BEST1: variants seen among roughly 807,000 people sequenced by gnomAD.
BEST1 encodes the protein bestrophin 1.
BEST1 carries 58 observed loss-of-function variants against 63.3 expected under a neutral mutation model. That is an observed-to-expected ratio of 0.92 (90% CI 0.74 to 1.14). The LOEUF is 1.14. Among genes scored for constraint, BEST1 ranks in the 50% most tolerant of loss-of-function variants. The probability of loss-of-function intolerance (pLI) is 0.00; values close to 1 mark genes in which losing one functional copy is unlikely to be tolerated. For missense variants in BEST1, 671 were observed against 740.1 expected (o/e 0.91, Z 1.08); for synonymous variants, 283 against 291.6 (o/e 0.97, Z 0.30).
At chr11:61,954,704 C>A in intron 2 of BEST1, 1 of 724,348 alleles carries the variant, frequency 1.4e-6, no homozygotes, top group Non-Finnish European at 1.7e-6. Context: ...CCTGCCTTAG[C>A]CTCCCAGAGC....
chr11:61,964,042 T>TTTGGTATTTGAA (rs1942353041), intron 10 of BEST1, 62 bp from the exon 11 acceptor site: 1 of 1,611,498 alleles, frequency 6.2e-7, no homozygotes, highest in African/African-American at 1.3e-5. Flanking sequence ...ACTGCAACAT[T>TTTGGTATTTGAA]TTGGTATTTG....
In BEST1 at chr11:61,962,308, C is replaced by T. The variant is rs1426042227; in HGVS notation, c.1154C>T (p.Ala385Val). 1.9e-6 allele frequency: 3 copies of T among 1,614,184 alleles called. No homozygotes were observed. The highest frequency in any genetic ancestry group is 1.7e-5 in the Admixed American group (1 of 60,026). Residue 385 changes from alanine to valine, a missense_variant, in exon 10 of 11, where the codon GCT (alanine) becomes GTT (valine). Ala to Val is a moderately conservative substitution (Grantham distance 64). Coordinates refer to ENST00000378043, the MANE Select transcript of BEST1 (RefSeq NM_004183.4). ...CCCAATCAGGAGGACGAGGAGGATGCTCACGCTGGCATCATTGGCCGCTTC... is the reference window on the plus strand; with the variant it reads ...CCCAATCAGGAGGACGAGGAGGATGTTCACGCTGGCATCATTGGCCGCTTC... ...FQPNQEDEED[A>V]HAGIIGRFLG... is the part of the protein sequence containing the mutation.
rs767605874 is a variant in BEST1 at position 61,962,352 on chromosome 11, G to C, written c.1198G>C (p.Asp400His). Residue 400 changes from aspartate to histidine, a missense_variant, in exon 10 of 11, where the codon GAT becomes CAT. Asp to His is a moderately conservative substitution (Grantham distance 81). Coordinates refer to ENST00000378043, the MANE Select transcript of BEST1 (RefSeq NM_004183.4). The stretch of plus-strand genomic sequence containing the variant: ...CCGCTTCCTAGGCCTGCAGTCCCAT[G>C]ATCACCATCCTCCCAGGGCAAACTC... ...IGRFLGLQSH[D>H]HHPPRANSRT... 7 of 1,614,150 alleles carry C rather than the reference G, an allele frequency of 4.3e-6. No individual in the cohort carries two copies. The highest frequency in any genetic ancestry group is 5.9e-6 in the Non-Finnish European group (7 of 1,180,014).
chr11:61,949,929 TC>T (rs1940490789), upstream of BEST1: 1 of 152,294 alleles, frequency 6.6e-6, no homozygotes, highest in South Asian at 2.1e-4. Context: ...AGCCCGGTAT[TC>T]ATTCTTTCCA....
intron 1 of BEST1, 87 bp from the exon 2 acceptor site, chr11:61,951,684 G>A: frequency 7.3e-7 from 1 of 1,369,104 alleles, no homozygotes; most frequent in Non-Finnish European, 1.0e-6. Flanking sequence ...TGGGAGAGTT[G>A]AGGTCCAGAG....
intron 6 of BEST1, among the ~76,000 whole-genome samples, chr11:61,957,760 T>A (rs1048728081): frequency 2.6e-5 from 4 of 152,170 alleles, no homozygotes; most frequent in Admixed American, 1.3e-4. Context: ...GTGGATCACC[T>A]GAGGTCAGGA....
At chr11:61,957,889 G>A (rs1261705409) in intron 6 of BEST1, among the ~76,000 whole-genome samples, 4 of 152,008 alleles carry the variant, frequency 2.6e-5, no homozygotes, top group African/African-American at 4.8e-5. Flanking sequence ...CAGGAGAATC[G>A]CTTGAACCCG....
Position 61,964,376 on chromosome 11 carries a change from G to A in BEST1, c.*254G>A. The A allele has an allele frequency of 4.1e-6, 3 of 729,058 alleles. No individual in the cohort carries two copies. Among genetic ancestry groups the A allele is most frequent in the Non-Finnish European group, 6.6e-6 (3 of 455,912 alleles). The allele number at this position is 729,058 out of a possible 1,614,324, so 45.2% of individuals were successfully genotyped here. On this transcript the variant is annotated 3_prime_UTR_variant, in exon 11 of 11. Coordinates refer to ENST00000378043, the MANE Select transcript of BEST1 (RefSeq NM_004183.4). ...ACTCAGACTCTGGATTCAGAGTCGG[G>A]AACCCTTAGTTCTATCTGAATCCAA...
In BEST1 at chr11:61,955,214, T is replaced by C. The variant is rs1402738191; in HGVS notation, c.247+13T>C. On this transcript the variant is annotated intron_variant, in intron 3 of 10. Transcript: ENST00000378043. ...TCCTTCGTGCTGGGTGAGTTCCCCCTTCTGGCTGTTCCGGGTCCCTGTGGC... is the reference window on the plus strand; with the variant it reads ...TCCTTCGTGCTGGGTGAGTTCCCCCCTCTGGCTGTTCCGGGTCCCTGTGGC... 1.2e-6 allele frequency: 2 copies of C among 1,614,046 alleles called. No homozygotes were observed. The highest frequency in any genetic ancestry group is 1.3e-5 in the African/African-American group (1 of 74,926).
At position 61,963,971 on chromosome 11, in the gene BEST1, C is replaced by T. The variant is rs374722361; in HGVS notation, c.1740-133C>T. 2.2e-4 allele frequency: 336 copies of T among 1,503,604 alleles called. 1 individual carries two copies. The African/African-American group carries it at 4.2e-3, about 19-fold the overall frequency. 93.1% of individuals were successfully genotyped at this position (1,503,604 alleles called of 1,614,324 possible). On this transcript the variant is annotated intron_variant, in intron 10 of 10. Coordinates refer to ENST00000378043, the MANE Select transcript of BEST1 (RefSeq NM_004183.4). Reference sequence around the variant, plus strand: ...TTGAGCAACTGCAATCCAGCCTGGGCGACGGAGTGAGACTGTCTCAAAAAA... The same window carrying T: ...TTGAGCAACTGCAATCCAGCCTGGGTGACGGAGTGAGACTGTCTCAAAAAA...
chr11:61,951,791 A>T lies in BEST1; in HGVS notation c.-16A>T. The T allele has an allele frequency of 6.2e-7, 1 of 1,611,286 alleles. No individual in the cohort carries two copies. ...ACCAGGACCCAAGCCCACCTGCTGC[A>T]GCCCACTGCCTGGCCATGACCATCA... is the stretch of plus-strand genomic sequence containing the variant. On this transcript the variant is annotated 5_prime_UTR_variant, in exon 2 of 11. Coordinates refer to ENST00000378043, the MANE Select transcript of BEST1 (RefSeq NM_004183.4).
In BEST1 at chr11:61,951,800, C is replaced by T. The variant is rs1940687634; in HGVS notation, c.-7C>T. ...CAAGCCCACCTGCTGCAGCCCACTGCCTGGCCATGACCATCACTTACACAA... is the reference window on the plus strand; with the variant it reads ...CAAGCCCACCTGCTGCAGCCCACTGTCTGGCCATGACCATCACTTACACAA... On this transcript the variant is annotated 5_prime_UTR_variant, in exon 2 of 11. Coordinates refer to ENST00000378043, the MANE Select transcript of BEST1 (RefSeq NM_004183.4). 3 of 1,611,872 alleles carry T rather than the reference C, an allele frequency of 1.9e-6. No individual in the cohort carries two copies. The highest frequency in any genetic ancestry group is 2.5e-6 in the Non-Finnish European group (3 of 1,180,012).
intron 9 of BEST1, chr11:61,961,992 C>A: frequency 1.9e-6 from 1 of 532,804 alleles, no homozygotes; most frequent in Non-Finnish European, 3.4e-6. Flanking sequence ...GGCCTTTACA[C>A]GCCAGGCGGG....
Position 61,962,347 on chromosome 11 carries a change from C to T in BEST1, c.1193C>T (p.Ser398Phe), listed in dbSNP as rs199890510. ...GIIGRFLGLQ[S>F]HDHHPPRANS... ...ATTGGCCGCTTCCTAGGCCTGCAGT[C>T]CCATGATCACCATCCTCCCAGGGCA... Residue 398 changes from serine (S) to phenylalanine (F), a missense_variant, in exon 10 of 11, where the codon TCC becomes TTC. Ser to Phe is a radical substitution (Grantham distance 155, BLOSUM62 -2). Transcript: ENST00000378043. The T allele has an allele frequency of 1.3e-4, 207 of 1,614,188 alleles. No individual in the cohort carries two copies. The highest frequency in any genetic ancestry group is 6.6e-4 in the Middle Eastern group (4 of 6,062).
chr11:61,962,000 G>A (rs189909836), intron 9 of BEST1: 137 of 549,402 alleles, frequency 2.5e-4, no homozygotes, highest in African/African-American at 1.8e-3. Context: ...CACGCCAGGC[G>A]GGGTGGTTGC....
Position 61,951,858 on chromosome 11 carries a change from T to C in BEST1, c.52T>C (p.Ser18Pro), listed in dbSNP as rs755109384. Residue 18 changes from serine (S) to proline (P), a missense_variant, in exon 2 of 11, where the codon TCC (serine) becomes CCC (proline). Ser to Pro is a moderately conservative substitution (Grantham distance 74). Coordinates refer to ENST00000378043, the MANE Select transcript of BEST1 (RefSeq NM_004183.4). ...QVANARLGSF[S>P]RLLLCWRGSI... ...GGCTAATGCCCGCTTAGGCTCCTTCTCCCGCCTGCTGCTGTGCTGGCGGGG... is the reference window on the plus strand; with the variant it reads ...GGCTAATGCCCGCTTAGGCTCCTTCCCCCGCCTGCTGCTGTGCTGGCGGGG... The C allele has an allele frequency of 2.5e-6, 4 of 1,613,858 alleles. No individual in the cohort carries two copies. The highest frequency in any genetic ancestry group is 3.4e-6 in the Non-Finnish European group (4 of 1,180,032).
downstream of BEST1, chr11:61,964,810 G>A (rs113194529): frequency 8.7e-6 from 14 of 1,600,140 alleles, no homozygotes; most frequent in East Asian, 2.2e-5. Context: ...CCCATCTTGC[G>A]CAAGTTGGTC....
chr11:61,956,865 A>G lies in BEST1; in HGVS notation c.503A>G (p.His168Arg). 6.2e-7 allele frequency: 1 copy of G among 1,614,060 alleles called. No individual in the cohort carries two copies. Among genetic ancestry groups the G allele is most frequent in the Non-Finnish European group, 8.5e-7 (1 of 1,179,988 alleles). ...VQAGFMTPAE[H>R]KQLEKLSLPH... Reference sequence around the variant, plus strand: ...GCAGGCTTTATGACTCCGGCAGAACACAAGCAGTTGGAGAAACTGAGCCTA... The same window carrying G: ...GCAGGCTTTATGACTCCGGCAGAACGCAAGCAGTTGGAGAAACTGAGCCTA... The change falls in exon 5 of 11, where the codon CAC becomes CGC. Residue 168 changes from histidine (H) to arginine (R), a missense_variant. His to Arg is a conservative substitution (Grantham distance 29). Transcript: ENST00000378043.
At chr11:61,958,836 G>C (rs1351082760) in intron 7 of BEST1, 2 of 315,826 alleles carry the variant, frequency 6.3e-6, no homozygotes, top group Non-Finnish European at 1.2e-5. Flanking sequence ...TTGGTAATGG[G>C]GGTGTAAGTC....
Sources: gnomAD v4.1 joint callset for allele counts (sites outside exome capture counted in the v4.1 genomes callset) on GRCh38, gnomAD v4.1.1 for gene constraint, MANE v1.5 for transcripts, NCBI Gene and HGNC (gene_info 2026-07-23, HGNC 2026-07-21) for gene names.